Variants in DHDDS observed in about 807,000 individuals in gnomAD.
The protein encoded by DHDDS is dehydrodolichyl diphosphate synthase complex subunit DHDDS.
In DHDDS, 16 loss-of-function variants were observed where a neutral mutation model predicts 46.2. The ratio of observed to expected loss-of-function variants is 0.35; its 90% CI spans 0.23 to 0.53. The LOEUF (loss-of-function observed/expected upper bound fraction) is 0.53. Among genes scored for constraint, DHDDS ranks in the 20% least tolerant of loss-of-function variants. The pLI, the probability that DHDDS is intolerant of heterozygous loss-of-function variation, is 0.94. For missense variants in DHDDS, 340 were observed against 423.7 expected (o/e 0.80, Z 1.73); for synonymous variants, 151 against 163.1 (o/e 0.93, Z 0.56).
chr1:26,443,026 GAT>G (rs1167196411), intron 4 of DHDDS, 153 bp downstream of exon 4: 1 of 1,334,076 alleles, frequency 7.5e-7, no homozygotes, highest in East Asian at 2.6e-5. Context: ...AGAAATACAA[GAT>G]AGTCTTTCAT....
intron 6 of DHDDS, among the ~76,000 whole-genome samples, chr1:26,453,260 A>G (rs939082782): frequency 1.3e-5 from 2 of 152,222 alleles, no homozygotes; most frequent in Admixed American, 6.5e-5. Flanking sequence ...ATCATTATTT[A>G]TAATGGCTGT....
At chr1:26,445,821 G>A (rs1391543808) in intron 4 of DHDDS, among the ~76,000 whole-genome samples, 4 of 151,970 alleles carry the variant, frequency 2.6e-5, no homozygotes, top group South Asian at 2.1e-4. Context: ...TCAAGGGTTC[G>A]AGACCAGCCT....
rs1048381581 is a variant in DHDDS at position 26,460,222 on chromosome 1, T to C, written c.765+78T>C. On this transcript the variant is annotated intron_variant, in intron 8 of 8. Coordinates refer to ENST00000236342, the MANE Select transcript of DHDDS (RefSeq NM_205861.3). ...GCATTGATTGACAACCACCTTACTA[T>C]ATACCAGGCACTTCCTAATAAGATG... The C allele has an allele frequency of 2.7e-6, 3 of 1,111,720 alleles. No homozygotes were observed. The Admixed American group carries it at 5.1e-5, about 19-fold the overall frequency. The allele number at this position is 1,111,720 out of a possible 1,614,324, so 68.9% of individuals were successfully genotyped here.
intron 3 of DHDDS, among the ~76,000 whole-genome samples, chr1:26,439,955 ACGGTGAAAC>A (rs2075201955): frequency 6.8e-6 from 1 of 147,386 alleles, no homozygotes; most frequent in South Asian, 2.1e-4. Context: ...CGTGGCTAAC[ACGGTGAAAC>A]CCCATCTCTA....
At chr1:26,463,760 C>A (rs1376525181) in intron 8 of DHDDS, among the ~76,000 whole-genome samples, 1 of 152,130 alleles carries the variant, frequency 6.6e-6, no homozygotes, top group Non-Finnish European at 1.5e-5. Context: ...CCCGCCTCGG[C>A]CTCCCAAAGT....
rs182676324 is a variant in DHDDS, at chr1:26,453,229, G to A, written c.543-4562G>A. Among the ~76,000 whole-genome samples the A allele has an allele frequency of 5.1e-3, 779 of 152,074 alleles. 5 individuals are homozygous for A. The highest frequency in any genetic ancestry group is 8.4e-3 in the Non-Finnish European group (573 of 67,986). ...ATGTTACGAGTACTTTTCATGACCC[G>A]TGTTTTTAATAATTCTTCATATCAT... On this transcript the variant is annotated intron_variant, in intron 6 of 8. Transcript: ENST00000236342.
chr1:26,445,043 A>G (rs1247637440), intron 4 of DHDDS, among the ~76,000 whole-genome samples: 2 of 150,574 alleles, frequency 1.3e-5, no homozygotes, highest in Admixed American at 6.7e-5. Context: ...TAAGAAGACA[A>G]GCTCTGGAGG....
At chr1:26,432,618 A>T (rs2075115330) in intron 1 of DHDDS, 2 of 379,828 alleles carry the variant, frequency 5.3e-6, no homozygotes, top group Admixed American at 3.9e-5. Flanking sequence ...TGTGGCAGGA[A>T]ACCGACTTAG....
chr1:26,454,522 C>G, intron 6 of DHDDS: 4 of 564,366 alleles, frequency 7.1e-6, no homozygotes, highest in Non-Finnish European at 1.2e-5. Context: ...AAAGTGCACT[C>G]AAATCTATTA....
At chr1:26,453,031 GCAATGAGCTA>G (rs1331380845) in intron 6 of DHDDS, among the ~76,000 whole-genome samples, 1 of 152,008 alleles carries the variant, frequency 6.6e-6, no homozygotes, top group Middle Eastern at 3.2e-3. Flanking sequence ...GGTCGAGGCT[GCAATGAGCTA>G]TGGTTGCGCC....
intron 4 of DHDDS, 75 bp from the exon 5 acceptor site, chr1:26,446,241 G>A: frequency 1.4e-6 from 2 of 1,393,508 alleles, no homozygotes; most frequent in South Asian, 2.4e-5. Context: ...CTGGTGGTCA[G>A]TTATTACCTG....
intron 6 of DHDDS, among the ~76,000 whole-genome samples, chr1:26,453,807 C>T (rs191316597): frequency 3.3e-5 from 5 of 152,182 alleles, no homozygotes; most frequent in East Asian, 3.9e-4. Context: ...GATATTTTAC[C>T]GTTATTTAAT....
chr1:26,437,820 G>T (rs1210077729), intron 2 of DHDDS, among the ~76,000 whole-genome samples: 1 of 151,290 alleles, frequency 6.6e-6, no homozygotes, highest in East Asian at 2.0e-4. Flanking sequence ...GAAAAGAAAA[G>T]AAAAAAGGAT....
intron 8 of DHDDS, chr1:26,467,544 T>C (rs1004174385): frequency 3.3e-5 from 11 of 329,174 alleles, no homozygotes; most frequent in African/African-American, 1.7e-4. Flanking sequence ...CCCTGCTCCA[T>C]GTCTGTCTCC....
chr1:26,437,533 C>T (rs1333040090), intron 2 of DHDDS, among the ~76,000 whole-genome samples: 5 of 151,152 alleles, frequency 3.3e-5, no homozygotes, highest in South Asian at 2.1e-4. Flanking sequence ...TGCAGTGGCA[C>T]GATCTCAACT....
intron 7 of DHDDS, among the ~76,000 whole-genome samples, chr1:26,458,781 C>T (rs1453929463): frequency 6.6e-6 from 1 of 150,928 alleles, no homozygotes. Flanking sequence ...ACAATGTGCA[C>T]CTATTGGTTC....
intron 3 of DHDDS, among the ~76,000 whole-genome samples, chr1:26,442,213 A>T (rs922533224): frequency 6.6e-6 from 1 of 152,240 alleles, no homozygotes; most frequent in African/African-American, 2.4e-5. Context: ...TTTGCAGGCT[A>T]TTAAATGCTA....
chr1:26,445,156 G>A (rs1165929483), intron 4 of DHDDS, among the ~76,000 whole-genome samples: 1 of 152,178 alleles, frequency 6.6e-6, no homozygotes, highest in African/African-American at 2.4e-5. Flanking sequence ...GGAATAATAA[G>A]GGTATATAAC....
intron 8 of DHDDS, 84 bp from the exon 9 acceptor site, chr1:26,468,811 G>GCCCCCCCCCCCCCC: frequency 3.1e-6 from 2 of 637,982 alleles, no homozygotes; most frequent in Non-Finnish European, 2.6e-6. Flanking sequence ...CCCACCCTGT[G>GCCCCCCCCCCCCCC]CCCCACCCCC....
Sources: allele counts gnomAD v4.1 joint callset (sites outside exome capture counted in the v4.1 genomes callset), GRCh38; gene constraint gnomAD v4.1.1; transcripts MANE v1.5; gene names NCBI Gene and HGNC (gene_info 2026-07-23, HGNC 2026-07-21).